Variants in UGT2B17 observed in about 807,000 individuals in gnomAD.
The protein encoded by UGT2B17 is UDP-glucuronosyltransferase 2B17.
Under a neutral mutation model 48.2 loss-of-function variants are expected in UGT2B17, and 21 were observed. The ratio of observed to expected loss-of-function variants is 0.44; its 90% confidence interval spans 0.31 to 0.63. The LOEUF is 0.63. Among genes scored for constraint, UGT2B17 ranks in the 20% least tolerant of loss-of-function variants. The probability of loss-of-function intolerance (pLI) is 0.08; values close to 1 mark genes in which losing one functional copy is unlikely to be tolerated. For missense variants in UGT2B17, 402 were observed against 696.1 expected (o/e 0.58, Z 4.75); for synonymous variants, 146 against 238.4 (o/e 0.61, Z 3.57).
intron 6 of UGT2B17, among the ~76,000 whole-genome samples, chr4:68,547,696 C>A (rs979164643): frequency 1.7e-5 from 2 of 116,022 alleles, no homozygotes; most frequent in African/African-American, 5.6e-5. Flanking sequence ...GGCTAATATC[C>A]AGAATCTACA....
In UGT2B17 at chr4:68,575,882, C is replaced by T. The variant is rs1267337211; in HGVS notation, c.-65+69G>A. ...ACCAGAACAAAGGTGCCAACACAGG[C>T]ACACCGTGGGTGACCAGGCCATGCT... On this transcript the variant is annotated intron_variant, in intron 1 of 6. Transcript: ENST00000317746. 2.4e-5 allele frequency among the ~76,000 whole-genome samples: 3 copies of T among 126,060 alleles called. 1 individual carries two copies. Among genetic ancestry groups the T allele is most frequent in the African/African-American group, 8.2e-5 (3 of 36,668 alleles). 82.7% of individuals were successfully genotyped at this position (126,060 alleles called of 152,430 possible). A position where few individuals can be genotyped will look rare whatever the true frequency, so the allele number is the denominator to read the frequency against.
At chr4:68,546,253 A>T (rs1465052099) in intron 6 of UGT2B17, among the ~76,000 whole-genome samples, 1 of 126,476 alleles carries the variant, frequency 7.9e-6, no homozygotes, top group Non-Finnish European at 1.7e-5. Context: ...CATCCCTGGG[A>T]TGCAAGGCTA....
rs1444669669 is a variant in UGT2B17 at position 68,567,675 on chromosome 4, C to T, written c.724+86G>A. ...TCATAATTTCCCATAAAAACACTAT[C>T]TTCTGACATTATATTTATATAAGCC... is the stretch of plus-strand genomic sequence containing the variant. On this transcript the variant is annotated intron_variant, in intron 2 of 6. Transcript: ENST00000317746. 28 of 966,516 alleles carry T rather than the reference C, an allele frequency of 2.9e-5. 6 individuals carry two copies. In the African/African-American group the frequency reaches 4.5e-4, roughly 15 times the overall value. The allele number at this position is 966,516 out of a possible 1,614,324, so 59.9% of individuals were successfully genotyped here. A position where few individuals can be genotyped will look rare whatever the true frequency, so the allele number is the denominator to read the frequency against.
At chr4:68,544,966 C>G (rs1442086994) in intron 6 of UGT2B17, among the ~76,000 whole-genome samples, 1 of 125,992 alleles carries the variant, frequency 7.9e-6, no homozygotes, top group Non-Finnish European at 1.7e-5. Context: ...GACTCCCACA[C>G]AATAATAATG....
In UGT2B17 at chr4:68,558,341, T is replaced by C. The variant is rs1324084607; in HGVS notation, c.1005+2196A>G. On this transcript the variant is annotated intron_variant, in intron 4 of 6. Coordinates refer to ENST00000317746, the MANE Select transcript of UGT2B17 (RefSeq NM_001077.4). ...GGCTACACGTCTTCAAAATAGTGTC[T>C]TCAGGTTTTTTTTCCTCCCCTTCCA... 1.0e-4 allele frequency among the ~76,000 whole-genome samples: 13 copies of C among 125,596 alleles called. 2 individuals are homozygous for C. Among genetic ancestry groups the C allele is most frequent in the African/African-American group, 3.5e-4 (13 of 37,002 alleles). The allele number at this position is 125,596 out of a possible 152,430, so 82.4% of individuals were successfully genotyped here.
At chr4:68,543,056 C>T (rs1481031121) in intron 6 of UGT2B17, among the ~76,000 whole-genome samples, 1 of 126,292 alleles carries the variant, frequency 7.9e-6, no homozygotes. Flanking sequence ...CCTCTGCAGT[C>T]TTAAATGTCC....
chr4:68,542,570 C>G (rs11731661), intron 6 of UGT2B17, among the ~76,000 whole-genome samples: 60,449 of 124,766 alleles, frequency 0.48, 23,632 homozygotes, highest in Middle Eastern at 0.74. Flanking sequence ...GTTCATCTCC[C>G]AGGGGACTGT....
In UGT2B17 at chr4:68,537,530, G is replaced by T; in HGVS notation, c.*95C>A. On this transcript the variant is annotated 3_prime_UTR_variant, in exon 7 of 7. Transcript: ENST00000317746. Reference sequence around the variant, plus strand: ...GTAAGTTGTGAAAAGACGTTTTGTCGCAGGAAAAAGGAAATCCTCCATTTA... The same window carrying T: ...GTAAGTTGTGAAAAGACGTTTTGTCTCAGGAAAAAGGAAATCCTCCATTTA... 8 of 1,098,866 alleles carry T rather than the reference G, an allele frequency of 7.3e-6. 1 individual carries two copies. The highest frequency in any genetic ancestry group is 7.0e-6 in the Non-Finnish European group (6 of 857,768). 68.1% of individuals were successfully genotyped at this position (1,098,866 alleles called of 1,614,324 possible). A position where few individuals can be genotyped will look rare whatever the true frequency, so the allele number is the denominator to read the frequency against.
intron 6 of UGT2B17, among the ~76,000 whole-genome samples, chr4:68,543,653 C>T (rs1452374174): frequency 8.1e-6 from 1 of 123,920 alleles, no homozygotes; most frequent in African/African-American, 2.8e-5. Flanking sequence ...GGAGGAAGTT[C>T]GAACCGAAGG....
At chr4:68,549,024 T>C (rs1730869747) in intron 6 of UGT2B17, among the ~76,000 whole-genome samples, 1 of 125,076 alleles carries the variant, frequency 8.0e-6, no homozygotes, top group African/African-American at 2.7e-5. Flanking sequence ...TTGCCCTAGT[T>C]CACATTTAAA....
chr4:68,555,275 A>C (rs1304428657), intron 4 of UGT2B17, among the ~76,000 whole-genome samples: 1 of 125,970 alleles, frequency 7.9e-6, no homozygotes, highest in Admixed American at 8.2e-5. Flanking sequence ...CCAAAACAGA[A>C]TGATCTTCAC....
chr4:68,569,885 C>T (rs1731272461), intron 1 of UGT2B17, among the ~76,000 whole-genome samples: 1 of 126,718 alleles, frequency 7.9e-6, no homozygotes, highest in Non-Finnish European at 1.7e-5. Context: ...CGCTGCTCCG[C>T]ACTGCCTCGT....
chr4:68,537,977 TC>T (rs1730586237), intron 6 of UGT2B17, 73 bp from the exon 7 acceptor site: 3 of 1,089,036 alleles, frequency 2.8e-6, no homozygotes, highest in Admixed American at 2.9e-5. Flanking sequence ...CTATGGATGG[TC>T]TTTGAAAAGC....
At position 68,553,855 on chromosome 4, in the gene UGT2B17, A is replaced by G. The variant is rs1245607940; in HGVS notation, c.1006-1944T>C. 1.7e-5 allele frequency among the ~76,000 whole-genome samples: 2 copies of G among 118,600 alleles called. 1 individual carries two copies. Among genetic ancestry groups the G allele is most frequent in the Non-Finnish European group, 3.5e-5 (2 of 56,724 alleles). 77.8% of individuals were successfully genotyped at this position (118,600 alleles called of 152,430 possible). Reference sequence around the variant, plus strand: ...TGTGAGAAACTGAACTGTGGTTTACATAGGAAAATGAAAGACTGAGTTTTC... The same window carrying G: ...TGTGAGAAACTGAACTGTGGTTTACGTAGGAAAATGAAAGACTGAGTTTTC... On this transcript the variant is annotated intron_variant, in intron 4 of 6. Transcript: ENST00000317746.
chr4:68,557,266 T>C (rs1731019679), intron 4 of UGT2B17, among the ~76,000 whole-genome samples: 2 of 125,286 alleles, frequency 1.6e-5, no homozygotes, highest in African/African-American at 5.4e-5. Context: ...CCACAGACAA[T>C]TGTTGTCTGA....
chr4:68,543,101 C>T (rs1469573203), intron 6 of UGT2B17, among the ~76,000 whole-genome samples: 2 of 125,810 alleles, frequency 1.6e-5, no homozygotes, highest in Admixed American at 1.6e-4. Context: ...AGTGGTTCTC[C>T]CAGCACGCAG....
Position 68,562,968 on chromosome 4 carries a change from C to T in UGT2B17, c.874-2300G>A, listed in dbSNP as rs1302998008. The stretch of plus-strand genomic sequence containing the variant: ...AAATGGATTGTAATGGCTTGGTATG[C>T]GCATTGTATAAGTTTTTAACCATTT... On this transcript the variant is annotated intron_variant, in intron 3 of 6. Coordinates refer to ENST00000317746, the MANE Select transcript of UGT2B17 (RefSeq NM_001077.4). Among the ~76,000 whole-genome samples the T allele has an allele frequency of 2.4e-5, 3 of 125,524 alleles. 1 individual carries two copies. The highest frequency in any genetic ancestry group is 5.0e-5 in the Non-Finnish European group (3 of 59,406). The allele number at this position is 125,524 out of a possible 152,430, so 82.3% of individuals were successfully genotyped here.
rs1180720478 is a variant in UGT2B17, at chr4:68,550,773, T to C, written c.1217A>G (p.His406Arg). 1.4e-6 allele frequency: 2 copies of C among 1,388,022 alleles called. 1 individual carries two copies. The highest frequency in any genetic ancestry group is 4.0e-5 in the Admixed American group (2 of 50,434). The allele number at this position is 1,388,022 out of a possible 1,614,324, so 86.0% of individuals were successfully genotyped here. Residue 406 changes from histidine to arginine, a missense_variant, in exon 6 of 7, where the codon CAC becomes CGC. Around this residue, in one of 5 missense-constraint regions of UGT2B17, gnomAD observed 156 missense variants for 258.6 expected, o/e 0.60. Coordinates refer to ENST00000317746, the MANE Select transcript of UGT2B17 (RefSeq NM_001077.4). Reference sequence around the variant, plus strand: ...GAGGGCTGCTCCCTTGGCTTTCATGTGAGCAATGTTATCATGTTGATCCGC... The same window carrying C: ...GAGGGCTGCTCCCTTGGCTTTCATGCGAGCAATGTTATCATGTTGATCCGC... ...LFADQHDNIA[H>R]MKAKGAALSV... is the part of the protein sequence containing the mutation.
chr4:68,550,937 G>C, intron 5 of UGT2B17, 41 bp from the exon 6 acceptor site: 1 of 1,313,946 alleles, frequency 7.6e-7, no homozygotes, highest in Non-Finnish European at 9.9e-7. Context: ...TAATTATAAG[G>C]CACAGGAATT....
Sources: allele counts gnomAD v4.1 joint callset (sites outside exome capture counted in the v4.1 genomes callset), GRCh38; gene constraint gnomAD v4.1.1; regional missense constraint gnomAD v4.1.1; transcripts MANE v1.5; gene names NCBI Gene and HGNC (gene_info 2026-07-23, HGNC 2026-07-21).